The following UGT1A4 variants were observed in gnomAD, a reference collection of about 807,000 sequenced individuals.
The protein encoded by UGT1A4 is UDP glucuronosyltransferase family 1 member A4, also known as UDP-glucuronosyltransferase 1A4.
Under a neutral mutation model 41.1 loss-of-function variants are expected in UGT1A4, and 32 were observed. The ratio of observed to expected loss-of-function variants is 0.78; its 90% CI spans 0.59 to 1.05. The LOEUF (loss-of-function observed/expected upper bound fraction) is 1.05, where lower values mean the gene tolerates loss of function less well. Among genes scored for constraint, UGT1A4 ranks in the 50% least tolerant of loss-of-function variants. The pLI is 0.00. For missense variants in UGT1A4, 748 were observed against 677.4 expected (o/e 1.10, Z -1.16); for synonymous variants, 283 against 265.1 (o/e 1.07, Z -0.66).
intron 1 of UGT1A4, among the ~76,000 whole-genome samples, chr2:233,763,104 C>A (rs548930615): frequency 6.6e-6 from 1 of 152,314 alleles, no homozygotes; most frequent in East Asian, 1.9e-4. Flanking sequence ...AGGCACCGAA[C>A]TTTATCAGCT....
intron 1 of UGT1A4, chr2:233,747,617 G>A (rs1693730880): frequency 1.3e-5 from 20 of 1,575,570 alleles, no homozygotes; most frequent in Non-Finnish European, 1.7e-5. Context: ...TGCATAATGA[G>A]GCCCTGATCA....
intron 1 of UGT1A4, among the ~76,000 whole-genome samples, chr2:233,731,408 T>C (rs2078155079): frequency 6.6e-6 from 1 of 152,094 alleles, no homozygotes; most frequent in Non-Finnish European, 1.5e-5. Flanking sequence ...TTACATTAGG[T>C]ATTTTTCCTA....
intron 1 of UGT1A4, among the ~76,000 whole-genome samples, chr2:233,757,259 G>T (rs1043917928): frequency 2.0e-5 from 3 of 146,774 alleles, no homozygotes; most frequent in African/African-American, 7.6e-5. Context: ...TTATTCAGGT[G>T]GCAGCCGATG....
intron 1 of UGT1A4, among the ~76,000 whole-genome samples, chr2:233,750,277 G>A (rs1168754564): frequency 6.6e-6 from 1 of 151,936 alleles, no homozygotes; most frequent in Non-Finnish European, 1.5e-5. Context: ...TTAGCAAAGA[G>A]ACTGGTGGCA....
chr2:233,756,190 G>A (rs1012891343), intron 1 of UGT1A4: 15 of 152,208 alleles, frequency 9.9e-5, no homozygotes, highest in African/African-American at 3.4e-4. Flanking sequence ...CGCTAGTCTA[G>A]CAGAGTAGTC....
chr2:233,724,642 G>A (rs896870557), intron 1 of UGT1A4, among the ~76,000 whole-genome samples: 3 of 142,058 alleles, frequency 2.1e-5, no homozygotes, highest in African/African-American at 8.0e-5. Flanking sequence ...AGATGTGATG[G>A]CGGCTGGGAA....
At chr2:233,755,289 T>G in intron 1 of UGT1A4, 1 of 651,342 alleles carries the variant, frequency 1.5e-6, no homozygotes, top group East Asian at 5.8e-5. Flanking sequence ...CCAAAGAGCC[T>G]GCGGGGCACT....
chr2:233,747,645 T>G, intron 1 of UGT1A4: 1 of 1,586,272 alleles, frequency 6.3e-7, no homozygotes, highest in Non-Finnish European at 8.7e-7. Context: ...GAATGCTACT[T>G]CCTTCGATGT....
At chr2:233,729,314 C>T (rs771299324) in intron 1 of UGT1A4, 4 of 1,614,130 alleles carry the variant, frequency 2.5e-6, no homozygotes, top group East Asian at 4.5e-5. Flanking sequence ...GTCCTCACCC[C>T]AGAGGTGAAT....
At chr2:233,721,629 A>G (rs923769431) in intron 1 of UGT1A4, 1 of 200,638 alleles carries the variant, frequency 5.0e-6, no homozygotes, top group Non-Finnish European at 1.0e-5. Context: ...ATCAGTAAAG[A>G]TCATCTTGAA....
At chr2:233,722,242 C>G (rs1184629735) in intron 1 of UGT1A4, among the ~76,000 whole-genome samples, 1 of 152,204 alleles carries the variant, frequency 6.6e-6, no homozygotes, top group Non-Finnish European at 1.5e-5. Context: ...CATGTATTAT[C>G]TGTGACAGAC....
rs569101199 is a variant in UGT1A4, at chr2:233,772,971, C to T, written c.*412C>T. 9.8e-5 allele frequency: 30 copies of T among 306,230 alleles called. No individual in the cohort carries two copies. Among genetic ancestry groups the T allele is most frequent in the African/African-American group, 6.3e-4 (29 of 45,956 alleles). The allele number at this position is 306,230 out of a possible 1,614,324, so 19.0% of individuals were successfully genotyped here. On this transcript the variant is annotated 3_prime_UTR_variant, in exon 5 of 5. Coordinates refer to ENST00000373409, the MANE Select transcript of UGT1A4 (RefSeq NM_007120.3). ...GCAGATGGTTGCAATTGATCCTTAACCAATAATGGTCAGTCCTCATCTCTG... is the reference window on the plus strand; with the variant it reads ...GCAGATGGTTGCAATTGATCCTTAATCAATAATGGTCAGTCCTCATCTCTG...
intron 1 of UGT1A4, chr2:233,743,549 A>C: frequency 2.2e-6 from 3 of 1,367,168 alleles, no homozygotes; most frequent in Non-Finnish European, 2.9e-6. Flanking sequence ...TGACCCCCCC[A>C]AAATATTCTC....
chr2:233,730,485 A>C (rs879945186), intron 1 of UGT1A4, among the ~76,000 whole-genome samples: 5 of 152,208 alleles, frequency 3.3e-5, no homozygotes, highest in Non-Finnish European at 7.3e-5. Context: ...CTCACATGAA[A>C]TAGAAGTGTC....
intron 1 of UGT1A4, among the ~76,000 whole-genome samples, chr2:233,741,256 C>A (rs1347287188): frequency 6.6e-6 from 1 of 151,868 alleles, no homozygotes; most frequent in African/African-American, 2.4e-5. Flanking sequence ...GTATGCCACT[C>A]TTTGCTGACC....
chr2:233,720,424 T>A (rs1382226869), intron 1 of UGT1A4, among the ~76,000 whole-genome samples: 3 of 151,922 alleles, frequency 2.0e-5, no homozygotes, highest in African/African-American at 7.3e-5. Flanking sequence ...AGGGAGGAGA[T>A]AAGACCGTGA....
At chr2:233,753,320 G>A (rs1197807028) in intron 1 of UGT1A4, 1 of 152,228 alleles carries the variant, frequency 6.6e-6, no homozygotes, top group Non-Finnish European at 1.5e-5. Context: ...CTGTGGGATG[G>A]TGCCAGCTGA....
At chr2:233,749,022 T>C (rs1694084845) in intron 1 of UGT1A4, among the ~76,000 whole-genome samples, 1 of 151,722 alleles carries the variant, frequency 6.6e-6, no homozygotes, top group African/African-American at 2.4e-5. Flanking sequence ...ATCCAGAATA[T>C]TTGGGGTTCA....
At chr2:233,758,130 G>A (rs1468544509) in intron 1 of UGT1A4, among the ~76,000 whole-genome samples, 2 of 152,174 alleles carry the variant, frequency 1.3e-5, no homozygotes, top group African/African-American at 4.8e-5. Flanking sequence ...ATAAATATTT[G>A]GCAGATGAGG....
Sources: allele counts gnomAD v4.1 joint callset (sites outside exome capture counted in the v4.1 genomes callset), GRCh38; gene constraint gnomAD v4.1.1; transcripts MANE v1.5; gene names NCBI Gene and HGNC (gene_info 2026-07-23, HGNC 2026-07-21).